AGRN: variants seen among roughly 807,000 people sequenced by gnomAD.
AGRN encodes the protein agrin.
A neutral mutation model predicts 211.0 loss-of-function variants in AGRN; 106 were observed. The observed-to-expected ratio is 0.50, with a 90% confidence interval of 0.43 to 0.59. The LOEUF is 0.59. AGRN is among the 20% of genes least tolerant of loss of function. The pLI is 0.00. For missense variants in AGRN, 3,040 were observed against 2,982.6 expected, an observed-to-expected ratio of 1.02 and a Z score of -0.45; for synonymous variants, 1,525 against 1,332.5, an observed-to-expected ratio of 1.14 and a Z score of -3.15.
chr1:1,045,385 T>G lies in AGRN; in HGVS notation c.2398T>G (p.Ser800Ala). The change falls in exon 14 of 36, where the codon TCT becomes GCT. Residue 800 changes from serine to alanine, a missense_variant. Ser to Ala is a moderately conservative substitution (Grantham distance 99, BLOSUM62 1). Around this residue, in one of 3 missense-constraint regions of AGRN, gnomAD observed 1,498 missense variants for 1,457.8 expected, o/e 1.03. Transcript: ENST00000379370. ...TGCCTGCCAGTGCAACCCCCATGGC[T>G]CTTACGGCGGCACCTGTGACCCAGC... The part of the protein sequence containing the change: ...PSACQCNPHG[S>A]YGGTCDPATG... 6.2e-7 allele frequency: 1 copy of G among 1,611,870 alleles called. No individual in the cohort carries two copies. The highest frequency in any genetic ancestry group is 8.5e-7 in the Non-Finnish European group (1 of 1,179,870).
rs550290966 is a variant in AGRN, at chr1:1,041,158, A to C, written c.728-15A>C. On this transcript the variant is annotated splice_polypyrimidine_tract_variant and intron_variant, in intron 4 of 35. Coordinates refer to ENST00000379370, the MANE Select transcript of AGRN (RefSeq NM_198576.4). ...GCGGGGGCGGCCCGTCTGACCGGCA[A>C]AGCCCCGCCCGCAGGCTCGCGGGAC... 455 of 1,379,574 alleles carry C rather than the reference A, an allele frequency of 3.3e-4. 5 individuals carry two copies. In the African/African-American group the frequency reaches 6.3e-3, roughly 19 times the overall value. The allele number at this position is 1,379,574 out of a possible 1,614,324, so 85.5% of individuals were successfully genotyped here. A position where few individuals can be genotyped will look rare whatever the true frequency, so the allele number is the denominator to read the frequency against.
chr1:1,042,009 C>T lies in AGRN; in HGVS notation c.1231C>T (p.Arg411Cys), dbSNP rs1644956705. The T allele has an allele frequency of 5.0e-6, 8 of 1,611,452 alleles. No individual in the cohort carries two copies. The highest frequency in any genetic ancestry group is 1.1e-5 in the South Asian group (1 of 91,054). Residue 411 changes from arginine (R) to cysteine (C), a missense_variant, in exon 7 of 36, where the codon CGT becomes TGT. By Grantham distance (180) the Arg-to-Cys change is radical (BLOSUM62 -3). This residue lies in a region of AGRN where 1,498 missense variants were observed against 1,457.8 expected (regional missense o/e 1.03). Coordinates refer to ENST00000379370, the MANE Select transcript of AGRN (RefSeq NM_198576.4). ...TGCCGTGTGCCTGTCCCGCCGTGGCCGTCCCCGCTGCTCCTGCGACCGCGT... is the reference window on the plus strand; with the variant it reads ...TGCCGTGTGCCTGTCCCGCCGTGGCTGTCCCCGCTGCTCCTGCGACCGCGT... ...FNAVCLSRRG[R>C]PRCSCDRVTC...
At chr1:1,033,738 C>T (rs1308364355) in intron 2 of AGRN, among the ~76,000 whole-genome samples, 4 of 140,464 alleles carry the variant, frequency 2.8e-5, no homozygotes, top group Admixed American at 7.0e-5. Context: ...CAGGCCCACC[C>T]TCGGCCCCAG....
At chr1:1,040,483 G>T (rs1052516554) in intron 3 of AGRN, among the ~76,000 whole-genome samples, 182 bp from the exon 4 acceptor site, 6 of 152,200 alleles carry the variant, frequency 3.9e-5, no homozygotes, top group African/African-American at 1.4e-4. Context: ...GGCGGGCGGG[G>T]TCTGCGAGGG....
Position 1,048,286 on chromosome 1 carries a change from G to T in AGRN, c.4026G>T (p.Gly1342=). ...ACTCACAGCCCTGCTTCCACGGGGG[G>T]ACCTGCCAGGACTGGGCATTGGGCG... ...PCDSQPCFHG[G]TCQDWALGGG... is the part of the protein sequence containing the mutation. The change falls in exon 23 of 36, where the codon GGG becomes GGT. Residue 1342 remains glycine (G), a synonymous_variant. Coordinates refer to ENST00000379370, the MANE Select transcript of AGRN (RefSeq NM_198576.4). The surrounding 1 kb of genome is among the most constrained non-coding windows in gnomAD (Gnocchi z 5.9). 6.6e-7 allele frequency: 1 copy of T among 1,516,216 alleles called. No homozygotes were observed. Among genetic ancestry groups the T allele is most frequent in the East Asian group, 2.4e-5 (1 of 41,380 alleles). The allele number at this position is 1,516,216 out of a possible 1,614,324, so 93.9% of individuals were successfully genotyped here.
chr1:1,042,391 C>T (rs570654531), intron 7 of AGRN, among the ~76,000 whole-genome samples: 12 of 152,192 alleles, frequency 7.9e-5, no homozygotes, highest in Non-Finnish European at 1.5e-4. Context: ...TGGTCCCTGA[C>T]CTCAGCCACG....
chr1:1,028,349 G>T (rs1250459750), intron 2 of AGRN, among the ~76,000 whole-genome samples: 1 of 123,866 alleles, frequency 8.1e-6, no homozygotes. Flanking sequence ...CCTGCACCTG[G>T]CTGGCGGCAC....
In AGRN at chr1:1,054,972, C is replaced by T. The variant is rs1177029911; in HGVS notation, c.6129C>T (p.Pro2043=). 25 of 1,548,624 alleles carry T rather than the reference C, an allele frequency of 1.6e-5. No homozygotes were observed. The highest frequency in any genetic ancestry group is 2.1e-5 in the Non-Finnish European group (24 of 1,147,050). Residue 2043 remains proline, a synonymous_variant, in exon 36 of 36, where the codon CCC becomes CCT. Transcript: ENST00000379370. The part of the protein sequence containing the change: ...AVTKPELRPC[P]TP ...CCAAGCCAGAGCTGCGGCCCTGCCC[C>T]ACCCCATGAGCTGGCACCAGAGCCC... is the stretch of plus-strand genomic sequence containing the variant.
chr1:1,038,429 G>GCC (rs995045412), intron 3 of AGRN, among the ~76,000 whole-genome samples: 2 of 152,210 alleles, frequency 1.3e-5, no homozygotes. Context: ...TGCTCTCCAT[G>GCC]CCCCTGCAAG....
At chr1:1,033,308 T>C (rs1413401547) in intron 2 of AGRN, among the ~76,000 whole-genome samples, 1 of 151,238 alleles carries the variant, frequency 6.6e-6, no homozygotes, top group Non-Finnish European at 1.5e-5. Flanking sequence ...CCTGGGGCCC[T>C]CCCCCACCTA....
rs528146665 is a variant in AGRN at position 1,047,829 on chromosome 1, G to C, written c.3685G>C (p.Val1229Leu). The change falls in exon 22 of 36, where the codon GTG becomes CTG. Residue 1229 changes from valine to leucine, a missense_variant. Val to Leu is a conservative substitution (Grantham distance 32). This residue lies in a region of AGRN where 1,537 missense variants were observed against 1,505.0 expected (regional missense o/e 1.02). Coordinates refer to ENST00000379370, the MANE Select transcript of AGRN (RefSeq NM_198576.4). ...VARALLRQIQ[V>L]SRRRSLGVRR... ...CCGGGCCCTGCTCCGGCAGATCCAG[G>C]TGTCCAGGCGCCGGTCCTTGGGGGT... is the stretch of plus-strand genomic sequence containing the variant. 4.1e-5 allele frequency: 66 copies of C among 1,604,350 alleles called. No individual in the cohort carries two copies. In the South Asian group the frequency reaches 7.2e-4, roughly 18 times the overall value.
At position 1,047,385 on chromosome 1, in the gene AGRN, C is replaced by T. The variant is rs771731587; in HGVS notation, c.3447C>T (p.Phe1149=). 9.3e-6 allele frequency: 15 copies of T among 1,612,386 alleles called. No homozygotes were observed. The highest frequency in any genetic ancestry group is 1.3e-5 in the Non-Finnish European group (15 of 1,179,618). Residue 1149 remains phenylalanine, a synonymous_variant, in exon 20 of 36, where the codon TTC becomes TTT. Coordinates refer to ENST00000379370, the MANE Select transcript of AGRN (RefSeq NM_198576.4). ...AGGGCGTCGAGGGCCAGGAGCTGTT[C>T]TACACGCCCGAGATGGCTGACCCCA... ...ELEGVEGQEL[F]YTPEMADPKS...
Position 1,050,909 on chromosome 1 carries a change from T to C in AGRN, c.5253+72T>C, listed in dbSNP as rs1169411776. 3.9e-6 allele frequency: 6 copies of C among 1,529,660 alleles called. No individual in the cohort carries two copies. The African/African-American group carries it at 8.3e-5, about 21-fold the overall frequency. The allele number at this position is 1,529,660 out of a possible 1,614,324, so 94.8% of individuals were successfully genotyped here. ...CCTCCTCGGGCGGCAGCCCCGCCCCTGCCGGCGCTCACGGAGCTGTTTTTC... is the reference window on the plus strand; with the variant it reads ...CCTCCTCGGGCGGCAGCCCCGCCCCCGCCGGCGCTCACGGAGCTGTTTTTC... On this transcript the variant is annotated intron_variant, in intron 30 of 35. Coordinates refer to ENST00000379370, the MANE Select transcript of AGRN (RefSeq NM_198576.4).
chr1:1,045,300 G>T lies in AGRN; in HGVS notation c.2371+23G>T, dbSNP rs368281597. 1.3e-5 allele frequency: 21 copies of T among 1,611,882 alleles called. No homozygotes were observed. In the South Asian group the frequency reaches 2.1e-4, roughly 16 times the overall value. Reference sequence around the variant, plus strand: ...CCAGTGAGTACCTGAGCTCAGCCCCGACCCCGGGCCTGGTGCGGCTGTGCG... The same window carrying T: ...CCAGTGAGTACCTGAGCTCAGCCCCTACCCCGGGCCTGGTGCGGCTGTGCG... On this transcript the variant is annotated intron_variant, in intron 13 of 35. Coordinates refer to ENST00000379370, the MANE Select transcript of AGRN (RefSeq NM_198576.4).
At chr1:1,052,067 C>T in intron 33 of AGRN, 1 of 1,476,042 alleles carries the variant, frequency 6.8e-7, no homozygotes, top group Non-Finnish European at 9.1e-7. Context: ...CTCCTCCATC[C>T]TTCCTGGTGG....
At chr1:1,053,414 C>T in intron 33 of AGRN, 1 of 1,361,364 alleles carries the variant, frequency 7.3e-7, no homozygotes, top group Non-Finnish European at 9.7e-7. Context: ...TTGCATTGGC[C>T]CCGCCTGTCC....
Position 1,046,193 on chromosome 1 carries a change from G to A in AGRN, c.2839G>A (p.Glu947Lys), listed in dbSNP as rs942708644. 8.7e-6 allele frequency: 14 copies of A among 1,613,716 alleles called. No individual in the cohort carries two copies. The highest frequency in any genetic ancestry group is 6.7e-5 in the African/African-American group (5 of 74,920). Residue 947 changes from glutamate (E) to lysine (K), a missense_variant, in exon 17 of 36, where the codon GAG (glutamate) becomes AAG (lysine). This residue lies in a region of AGRN where 1,498 missense variants were observed against 1,457.8 expected (regional missense o/e 1.03). Coordinates refer to ENST00000379370, the MANE Select transcript of AGRN (RefSeq NM_198576.4). ...CGSDGVTYGN[E>K]CQLKTIACRQ... is the part of the protein sequence containing the mutation. ...GTCAGATGGAGTCACATACGGCAACGAGTGTCAGCTGAAGACCATCGCCTG... is the reference window on the plus strand; with the variant it reads ...GTCAGATGGAGTCACATACGGCAACAAGTGTCAGCTGAAGACCATCGCCTG...
Position 1,043,393 on chromosome 1 carries a change from C to T in AGRN, c.1539C>T (p.Cys513=), listed in dbSNP as rs370615022. 92 of 1,608,678 alleles carry T rather than the reference C, an allele frequency of 5.7e-5. 1 individual carries two copies. The highest frequency in any genetic ancestry group is 2.7e-4 in the South Asian group (24 of 90,532). Residue 513 remains cysteine (C), a synonymous_variant, in exon 8 of 36, where the codon TGC becomes TGT. Transcript: ENST00000379370. ...ACGGCGTCACATACGGCAGCGCGTG[C>T]GAGCTGGAGGCCACGGCCTGTACCC... ...GSDGVTYGSA[C]ELEATACTLG...
At chr1:1,029,161 G>A (rs2100584669) in intron 2 of AGRN, among the ~76,000 whole-genome samples, 1 of 152,184 alleles carries the variant, frequency 6.6e-6, no homozygotes, top group African/African-American at 2.4e-5. Context: ...CCAATTGCCA[G>A]AGAGCCCCAG....
Sources: gnomAD v4.1 joint callset for allele counts (sites outside exome capture counted in the v4.1 genomes callset) on GRCh38, gnomAD v4.1.1 for gene constraint, gnomAD v4.1.1 regional missense constraint, Gnocchi (gnomAD v3.1) non-coding constraint, MANE v1.5 for transcripts, NCBI Gene and HGNC (gene_info 2026-07-23, HGNC 2026-07-21) for gene names.